The following ZNF385D variants were observed in gnomAD, a reference collection of about 807,000 sequenced individuals.
ZNF385D encodes the protein zinc finger protein 659.
Under a neutral mutation model 35.8 loss-of-function variants are expected in ZNF385D, and 15 were observed. That is an observed-to-expected ratio of 0.42 (90% CI 0.28 to 0.64). The LOEUF (loss-of-function observed/expected upper bound fraction) is 0.64, where lower values mean the gene tolerates loss of function less well. Among genes scored for constraint, ZNF385D ranks in the 30% least tolerant of loss-of-function variants. The probability of loss-of-function intolerance (pLI) is 0.23; values close to 1 mark genes in which losing one functional copy is unlikely to be tolerated. For synonymous variants in ZNF385D, 212 were observed against 186.8 expected (o/e 1.13, Z -1.10); for missense variants, 474 against 494.6 (o/e 0.96, Z 0.39).
At chr3:21,675,511 T>G (rs947882019) in intron 1 of ZNF385D, among the ~76,000 whole-genome samples, 2 of 152,084 alleles carry the variant, frequency 1.3e-5, no homozygotes, top group African/African-American at 4.8e-5. Context: ...CCAGGATTTG[T>G]CCAAAAACAT....
rs142423396 is a variant in ZNF385D at position 22,288,930 on chromosome 3, G to T, written c.106+83520C>A. ...TCAAATCTCTGTGTTTGTCCAAACT[G>T]CTGACTCTGTTTTTAGCGGCCATCT... On this transcript the variant is annotated intron_variant, in intron 2 of 5. Coordinates refer to the ZNF385D transcript ENST00000494108. Among the ~76,000 whole-genome samples, 873 of 152,156 alleles carry T rather than the reference G, an allele frequency of 5.7e-3. 10 individuals carry two copies. Among genetic ancestry groups the T allele is most frequent in the African/African-American group, 0.02 (818 of 41,528 alleles).
intron 3 of ZNF385D, among the ~76,000 whole-genome samples, chr3:21,515,091 G>T (rs1707472923): frequency 6.6e-6 from 1 of 152,098 alleles, no homozygotes; most frequent in Admixed American, 6.6e-5. Context: ...ATTTCAGAAT[G>T]GTTTTTAGTT....
rs1274604496 is a variant in ZNF385D at position 21,465,453 on chromosome 3, C to T, written c.440-28250G>A. Among the ~76,000 whole-genome samples the T allele has an allele frequency of 6.6e-6, 1 of 152,192 alleles. No homozygotes were observed. Among genetic ancestry groups the T allele is most frequent in the Non-Finnish European group, 1.5e-5 (1 of 68,040 alleles). ...GCTCTTCCCAAGAGGGCCACAGCCT[C>T]TCATCACCTGGCCAGAGTAGGTAAC... On this transcript the variant is annotated intron_variant, in intron 4 of 7. Transcript: ENST00000281523. The surrounding 1 kb of genome is among the most constrained non-coding windows in gnomAD (Gnocchi z 4.2).
intron 3 of ZNF385D, among the ~76,000 whole-genome samples, chr3:21,762,433 G>T (rs1476980078): frequency 6.6e-6 from 1 of 152,022 alleles, no homozygotes; most frequent in Non-Finnish European, 1.5e-5. Context: ...ATCCACTCAT[G>T]GCACCTCCTC....
chr3:22,314,922 T>C (rs1159911864), intron 2 of ZNF385D, among the ~76,000 whole-genome samples: 1 of 152,072 alleles, frequency 6.6e-6, no homozygotes, highest in Non-Finnish European at 1.5e-5. Context: ...TGTAGTACTA[T>C]GATCAAGGGG....
At chr3:21,686,959 T>C (rs374334860) in intron 1 of ZNF385D, among the ~76,000 whole-genome samples, 9 of 152,314 alleles carry the variant, frequency 5.9e-5, no homozygotes, top group African/African-American at 2.2e-4. Flanking sequence ...TCCTATGAGT[T>C]ATCACTGGCC....
intron 2 of ZNF385D, among the ~76,000 whole-genome samples, chr3:22,344,704 G>A (rs566208300): frequency 6.6e-6 from 1 of 152,296 alleles, no homozygotes; most frequent in South Asian, 2.1e-4. Flanking sequence ...CTACAGGCAT[G>A]AGCCACTGCA....
intron 3 of ZNF385D, among the ~76,000 whole-genome samples, chr3:21,826,211 G>C (rs1374484201): frequency 6.6e-6 from 1 of 152,190 alleles, no homozygotes; most frequent in Non-Finnish European, 1.5e-5. Flanking sequence ...GGCCACTATA[G>C]ACTAAACTGT....
chr3:21,470,237 G>A (rs1191801905), intron 4 of ZNF385D, among the ~76,000 whole-genome samples: 1 of 152,168 alleles, frequency 6.6e-6, no homozygotes, highest in Non-Finnish European at 1.5e-5. Context: ...AAAGAATTGA[G>A]AGCACATTAT....
At chr3:22,147,200 A>G (rs1386810558) in intron 3 of ZNF385D, among the ~76,000 whole-genome samples, 1 of 152,212 alleles carries the variant, frequency 6.6e-6, no homozygotes, top group African/African-American at 2.4e-5. Context: ...TAAAATAAAT[A>G]GCTGTTATTC....
chr3:22,078,236 A>G (rs1186143847), intron 3 of ZNF385D, among the ~76,000 whole-genome samples: 1 of 152,076 alleles, frequency 6.6e-6, no homozygotes, highest in Non-Finnish European at 1.5e-5. Flanking sequence ...TTCAAAAGAT[A>G]TAAATGATTT....
intron 2 of ZNF385D, among the ~76,000 whole-genome samples, chr3:21,645,012 T>C (rs1428193175): frequency 1.3e-5 from 2 of 152,178 alleles, no homozygotes; most frequent in Non-Finnish European, 2.9e-5. Context: ...AAAATTCCCA[T>C]GTCTACAAAC....
chr3:21,829,976 T>A (rs966835872), intron 3 of ZNF385D, among the ~76,000 whole-genome samples: 1 of 151,752 alleles, frequency 6.6e-6, no homozygotes. Flanking sequence ...ATGCAAAAAT[T>A]AGCTGTGCCT....
intron 4 of ZNF385D, among the ~76,000 whole-genome samples, chr3:21,463,683 C>T (rs964295633): frequency 1.3e-5 from 2 of 152,212 alleles, no homozygotes; most frequent in East Asian, 1.9e-4. Flanking sequence ...AAAAGATACA[C>T]TCTTTCCAGG....
In ZNF385D at chr3:21,866,269, A is replaced by G. The variant is rs554576887; in HGVS notation, c.326-201241T>C. Among the ~76,000 whole-genome samples the G allele has an allele frequency of 1.6e-4, 24 of 152,192 alleles. 1 individual carries two copies. The highest frequency in any genetic ancestry group is 6.5e-4 in the Admixed American group (10 of 15,268). ...GGAGTTCGAGACCATTCTGGCTAAC[A>G]TGGTGAAACCCCGTCTCTTCTAAAA... On this transcript the variant is annotated intron_variant, in intron 3 of 5. Coordinates refer to the ZNF385D transcript ENST00000494108.
intron 3 of ZNF385D, among the ~76,000 whole-genome samples, chr3:22,138,150 C>G (rs1389063605): frequency 6.6e-6 from 1 of 151,988 alleles, no homozygotes; most frequent in Non-Finnish European, 1.5e-5. Context: ...CAAACCACTG[C>G]TCAATGAAAT....
At chr3:21,974,789 C>T (rs529274613) in intron 3 of ZNF385D, among the ~76,000 whole-genome samples, 4 of 152,000 alleles carry the variant, frequency 2.6e-5, no homozygotes, top group Admixed American at 2.0e-4. Context: ...AAAGAAGGCA[C>T]GCAAATGGCA....
intron 3 of ZNF385D, among the ~76,000 whole-genome samples, chr3:21,534,995 G>A (rs2062003312): frequency 6.6e-6 from 1 of 152,108 alleles, no homozygotes; most frequent in Non-Finnish European, 1.5e-5. Context: ...TGTTCTCTTA[G>A]TATGTAGGAC....
intron 1 of ZNF385D, among the ~76,000 whole-genome samples, chr3:21,711,669 A>G (rs2068114061): frequency 6.6e-6 from 1 of 152,202 alleles, no homozygotes; most frequent in Non-Finnish European, 1.5e-5. Flanking sequence ...TTTAAAATGC[A>G]TCCAAGTAAT....
Sources: gnomAD v4.1 joint callset for allele counts (sites outside exome capture counted in the v4.1 genomes callset) on GRCh38, gnomAD v4.1.1 for gene constraint, Gnocchi (gnomAD v3.1) non-coding constraint, MANE v1.5 for transcripts, NCBI Gene and HGNC (gene_info 2026-07-23, HGNC 2026-07-21) for gene names.